NOP58: variants seen among roughly 807,000 people sequenced by gnomAD.
NOP58 encodes the protein NOP58 ribonucleoprotein.
A neutral mutation model predicts 71.2 loss-of-function variants in NOP58; 44 were observed. That is an observed-to-expected ratio of 0.62 (90% CI 0.49 to 0.79). The LOEUF is 0.79. NOP58 is among the 30% of genes least tolerant of loss of function. NOP58 has a pLI of 0.00. For synonymous variants in NOP58, 228 were observed against 200.3 expected (o/e 1.14, Z -1.17); for missense variants, 538 against 620.2 (o/e 0.87, Z 1.41).
chr2:202,296,979 C>T (rs548658907), intron 10 of NOP58, among the ~76,000 whole-genome samples: 5 of 152,116 alleles, frequency 3.3e-5, no homozygotes, highest in African/African-American at 1.2e-4. Flanking sequence ...GTGATCCACT[C>T]GCCTCGGCCT....
rs755858955 is a variant in NOP58, at chr2:202,302,948, C to CAGA, written c.1441_1443dup (p.Glu481dup). 3 of 1,604,956 alleles carry CAGA rather than the reference C, an allele frequency of 1.9e-6. No individual in the cohort carries two copies. The highest frequency in any genetic ancestry group is 1.1e-5 in the South Asian group (1 of 90,944). ...GAAGAAGAGGAAGAAGAAAAAGTGG[C>CAGA]AGAAGAAGAAGAAACATCTGTGAAG... is the stretch of plus-strand genomic sequence containing the variant. On this transcript the variant is annotated inframe_insertion, in exon 14 of 15. Coordinates refer to ENST00000264279, the MANE Select transcript of NOP58 (RefSeq NM_015934.5).
intron 5 of NOP58, among the ~76,000 whole-genome samples, chr2:202,286,771 A>C (rs540260198): frequency 6.6e-6 from 1 of 152,126 alleles, no homozygotes; most frequent in South Asian, 2.1e-4. Flanking sequence ...GCATTTGTCT[A>C]TGTCCATAGA....
rs545109361 is a variant in NOP58, at chr2:202,290,496, A to G, written c.634+39A>G. ...TCATCCTTTAAGGCATTGAAAGTAA[A>G]TGAATTTGATTGCATCCTAAAACAT... On this transcript the variant is annotated intron_variant, in intron 7 of 14. Coordinates refer to ENST00000264279, the MANE Select transcript of NOP58 (RefSeq NM_015934.5). 11 of 1,551,920 alleles carry G rather than the reference A, an allele frequency of 7.1e-6. No homozygotes were observed. In the South Asian group the frequency reaches 9.3e-5, roughly 13 times the overall value.
intron 13 of NOP58, 148 bp downstream of exon 13, chr2:202,300,515 CT>C (rs1393083798): frequency 1.6e-6 from 1 of 618,194 alleles, no homozygotes; most frequent in Admixed American, 3.6e-5. Flanking sequence ...ATTATGTTCT[CT>C]GGGAATATGA....
intron 2 of NOP58, among the ~76,000 whole-genome samples, chr2:202,277,381 G>A (rs1421739729): frequency 6.6e-6 from 1 of 151,916 alleles, no homozygotes; most frequent in Admixed American, 6.6e-5. Flanking sequence ...GGGAGTCTGA[G>A]GCAGGAGAAT....
At chr2:202,293,624 C>G (rs1003107083) in intron 9 of NOP58, among the ~76,000 whole-genome samples, 2 of 152,176 alleles carry the variant, frequency 1.3e-5, no homozygotes, top group Non-Finnish European at 2.9e-5. Flanking sequence ...CTCTGTTGCA[C>G]TGGCTGGAGT....
intron 13 of NOP58, among the ~76,000 whole-genome samples, chr2:202,302,698 T>C (rs1445459495): frequency 6.6e-6 from 1 of 152,236 alleles, no homozygotes; most frequent in East Asian, 1.9e-4. Context: ...CTGATTTTTA[T>C]ACATGACTTC....
At chr2:202,291,515 T>A (rs766030023) in intron 8 of NOP58, 36 of 288,440 alleles carry the variant, frequency 1.2e-4, no homozygotes, top group Non-Finnish European at 2.0e-4. Flanking sequence ...TCAATTAAGA[T>A]GGCAGAGAAG....
rs1295114671 is a variant in NOP58, at chr2:202,295,919, A to C, written c.1071+82A>C. The stretch of plus-strand genomic sequence containing the variant: ...CCATTTTTCTTCTACTCTGTAGTAC[A>C]CATTAAATCTTCTATTGTCTCTTTC... On this transcript the variant is annotated intron_variant, in intron 10 of 14. Transcript: ENST00000264279. 5 of 1,044,154 alleles carry C rather than the reference A, an allele frequency of 4.8e-6. No homozygotes were observed. In the African/African-American group the frequency reaches 8.1e-5, roughly 17 times the overall value. The allele number at this position is 1,044,154 out of a possible 1,614,324, so 64.7% of individuals were successfully genotyped here.
At chr2:202,299,973 C>A in intron 12 of NOP58, 1 of 307,464 alleles carries the variant, frequency 3.3e-6, no homozygotes. Context: ...TTTTCCTGTA[C>A]CATAGTAACT....
Position 202,303,575 on chromosome 2 carries a change from T to G in NOP58, c.*139T>G. ...GATTTATCATCTATAACTTCAAACC[T>G]ATTTGTCTTGACATCAACTCTGTTA... On this transcript the variant is annotated 3_prime_UTR_variant, in exon 15 of 15. Transcript: ENST00000264279. 1 of 1,116,232 alleles carries G rather than the reference T, an allele frequency of 9.0e-7. No homozygotes were observed. The highest frequency in any genetic ancestry group is 1.2e-6 in the Non-Finnish European group (1 of 823,318). 69.1% of individuals were successfully genotyped at this position (1,116,232 alleles called of 1,614,324 possible). A position where few individuals can be genotyped will look rare whatever the true frequency, so the allele number is the denominator to read the frequency against.
In NOP58 at chr2:202,295,765, G is replaced by A. The variant is rs772724471; in HGVS notation, c.999G>A (p.Arg333=). 1 of 1,611,666 alleles carries A rather than the reference G, an allele frequency of 6.2e-7. No individual in the cohort carries two copies. Among genetic ancestry groups the A allele is most frequent in the Non-Finnish European group, 8.5e-7 (1 of 1,179,006 alleles). ...TTTTCAGAGCCCTCAAATCTAGACG[G>A]GATACCCCTAAGTATGGTCTCATTT... is the stretch of plus-strand genomic sequence containing the variant. The part of the protein sequence containing the change: ...KALFRALKSR[R]DTPKYGLIYH... Residue 333 remains arginine, a synonymous_variant, in exon 10 of 15, where the codon CGG becomes CGA. Coordinates refer to ENST00000264279, the MANE Select transcript of NOP58 (RefSeq NM_015934.5).
rs568488925 is a variant in NOP58, at chr2:202,289,542, G to A, written c.500-781G>A. On this transcript the variant is annotated intron_variant, in intron 6 of 14. Coordinates refer to ENST00000264279, the MANE Select transcript of NOP58 (RefSeq NM_015934.5). ...TCGAGTTCCATCCTCAGCCTCATACGTGTTTGCAAATACTCTGAAATACTT... is the reference window on the plus strand; with the variant it reads ...TCGAGTTCCATCCTCAGCCTCATACATGTTTGCAAATACTCTGAAATACTT... 6.6e-5 allele frequency among the ~76,000 whole-genome samples: 10 copies of A among 152,258 alleles called. No individual in the cohort carries two copies. The South Asian group carries it at 1.0e-3, about 16-fold the overall frequency.
At chr2:202,273,029 G>T (rs1318718695) in intron 1 of NOP58, among the ~76,000 whole-genome samples, 1 of 152,166 alleles carries the variant, frequency 6.6e-6, no homozygotes, top group Non-Finnish European at 1.5e-5. Flanking sequence ...GGAGGCTGAG[G>T]CAGGAGAATG....
In NOP58 at chr2:202,303,620, T is replaced by TA. The variant is rs1689129850; in HGVS notation, c.*185dup. 1 of 633,924 alleles carries TA rather than the reference T, an allele frequency of 1.6e-6. No homozygotes were observed. The highest frequency in any genetic ancestry group is 3.8e-5 in the Admixed American group (1 of 26,056). The allele number at this position is 633,924 out of a possible 1,614,324, so 39.3% of individuals were successfully genotyped here. On this transcript the variant is annotated 3_prime_UTR_variant, in exon 15 of 15. Coordinates refer to ENST00000264279, the MANE Select transcript of NOP58 (RefSeq NM_015934.5). The stretch of plus-strand genomic sequence containing the variant: ...CTGTTAACCTTATGTCATCATTTCT[T>TA]AGAGTCTTTGATATACAAATAAAAT...
At position 202,265,842 on chromosome 2, in the gene NOP58, C is replaced by T; in HGVS notation, c.-100C>T. ...ACGGCGAGCGCATTTGTGCTTTGCC[C>T]GCCGCGGCCTAGGAGGCCTTTTGAG... On this transcript the variant is annotated 5_prime_UTR_variant, in exon 1 of 15. Transcript: ENST00000264279. 1.4e-6 allele frequency: 2 copies of T among 1,384,972 alleles called. No individual in the cohort carries two copies. Among genetic ancestry groups the T allele is most frequent in the East Asian group, 2.3e-5 (1 of 43,770 alleles). 85.8% of individuals were successfully genotyped at this position (1,384,972 alleles called of 1,614,324 possible).
chr2:202,303,413 A>G lies in NOP58; in HGVS notation c.1567A>G (p.Lys523Glu), dbSNP rs769316003. 1 of 1,612,362 alleles carries G rather than the reference A, an allele frequency of 6.2e-7. No homozygotes were observed. Reference sequence around the variant, plus strand: ...TCCAGAGAAAAAGAAGAAAAAGAAAAAAAAGAGAGAGAACGAGGATTAACA... The same window carrying G: ...TCCAGAGAAAAAGAAGAAAAAGAAAGAAAAGAGAGAGAACGAGGATTAACA... ...ASPEKKKKKK[K>E]KRENED Residue 523 changes from lysine to glutamate, a missense_variant, in exon 15 of 15, where the codon AAA becomes GAA. Coordinates refer to ENST00000264279, the MANE Select transcript of NOP58 (RefSeq NM_015934.5).
At chr2:202,287,114 C>G (rs1034125631) in intron 5 of NOP58, among the ~76,000 whole-genome samples, 1 of 136,554 alleles carries the variant, frequency 7.3e-6, no homozygotes, top group Non-Finnish European at 1.5e-5. Flanking sequence ...GTTGCCCAGG[C>G]TGGAGTACAG....
intron 3 of NOP58, among the ~76,000 whole-genome samples, chr2:202,279,760 C>T (rs1156832811): frequency 6.6e-6 from 1 of 152,208 alleles, no homozygotes; most frequent in African/African-American, 2.4e-5. Flanking sequence ...CACCACTGCA[C>T]TCCAGCCTGG....
Sources: gnomAD v4.1 joint callset for allele counts (sites outside exome capture counted in the v4.1 genomes callset) on GRCh38, gnomAD v4.1.1 for gene constraint, MANE v1.5 for transcripts, NCBI Gene and HGNC (gene_info 2026-07-23, HGNC 2026-07-21) for gene names.